The following POLK variants were observed in gnomAD, a reference collection of about 807,000 sequenced individuals.
POLK encodes the protein DNA polymerase kappa.
POLK carries 76 observed loss-of-function variants against 94.0 expected under a neutral mutation model. The ratio of observed to expected loss-of-function variants is 0.81; its 90% CI spans 0.67 to 0.98. POLK has a LOEUF of 0.98. POLK is among the 50% of genes least tolerant of loss of function. The probability of loss-of-function intolerance (pLI) is 0.00; values close to 1 mark genes in which losing one functional copy is unlikely to be tolerated. For missense variants in POLK, 954 were observed against 1,010.1 expected (o/e 0.94, Z 0.75); for synonymous variants, 349 against 325.4 (o/e 1.07, Z -0.78).
chr5:75,566,016 A>G (rs1771246179), intron 3 of POLK, among the ~76,000 whole-genome samples: 1 of 152,234 alleles, frequency 6.6e-6, no homozygotes, highest in Non-Finnish European at 1.5e-5. Flanking sequence ...AGTTTTATCA[A>G]TAAGCCCCTG....
chr5:75,528,393 C>A (rs531099706), intron 1 of POLK, among the ~76,000 whole-genome samples: 8 of 151,922 alleles, frequency 5.3e-5, no homozygotes, highest in Non-Finnish European at 1.0e-4. Context: ...TATTAATGAT[C>A]ATTCTCTCTG....
chr5:75,581,693 TG>T, intron 7 of POLK: 1 of 372,818 alleles, frequency 2.7e-6, no homozygotes, highest in Non-Finnish European at 4.9e-6. Context: ...TTTTTTTTTT[TG>T]AGATGGAGTC....
rs186480603 is a variant in POLK, at chr5:75,542,867, C to A, written c.-13-4143C>A. 1.0e-4 allele frequency among the ~76,000 whole-genome samples: 15 copies of A among 150,506 alleles called. No individual in the cohort carries two copies. In the South Asian group the frequency reaches 3.1e-3, roughly 31 times the overall value. ...AGCTGGGATTACAGGCATCTGCCAC[C>A]GCGCCCAGCTAATTTTTATATTTTT... On this transcript the variant is annotated intron_variant, in intron 1 of 14. Coordinates refer to ENST00000241436, the Ensembl canonical transcript of POLK.
intron 1 of POLK, among the ~76,000 whole-genome samples, chr5:75,523,884 C>T (rs1280650975): frequency 6.6e-6 from 1 of 152,092 alleles, no homozygotes; most frequent in Non-Finnish European, 1.5e-5. Flanking sequence ...AATCCCAGCA[C>T]TTTGCGGGGC....
At chr5:75,592,452 T>C (rs977757197) in intron 11 of POLK, among the ~76,000 whole-genome samples, 1 of 152,110 alleles carries the variant, frequency 6.6e-6, no homozygotes, top group Non-Finnish European at 1.5e-5. Context: ...GGTGGCTCAT[T>C]CCTGTAATCC....
intron 1 of POLK, among the ~76,000 whole-genome samples, chr5:75,544,271 C>T (rs1318168235): frequency 2.6e-5 from 4 of 152,152 alleles, no homozygotes; most frequent in Admixed American, 2.0e-4. Flanking sequence ...CCTTCAGTCT[C>T]AGCTATTTCG....
chr5:75,542,668 CATATATACAT>C (rs1032191586), intron 1 of POLK, among the ~76,000 whole-genome samples: 54 of 142,446 alleles, frequency 3.8e-4, no homozygotes, highest in Non-Finnish European at 6.7e-4. Flanking sequence ...TATATATACA[CATATATACAT>C]ATATATACAT....
At chr5:75,607,428 A>G in the POLK span, among the ~76,000 whole-genome samples, 1 of 150,174 alleles carries the variant, frequency 6.7e-6, no homozygotes, top group East Asian at 2.0e-4. Context: ...AGATTGCACC[A>G]CTGCACTCCA....
At chr5:75,552,699 T>C in intron 3 of POLK, 108 bp downstream of exon 3, 1 of 1,124,856 alleles carries the variant, frequency 8.9e-7, no homozygotes, top group South Asian at 1.6e-5. Context: ...AAATGTTCAT[T>C]ATATTGTAAA....
intron 2 of POLK, among the ~76,000 whole-genome samples, chr5:75,550,199 A>G (rs1261748588): frequency 6.6e-6 from 1 of 152,232 alleles, no homozygotes. Context: ...AAAGTCCTCA[A>G]CAAAATATTA....
At chr5:75,550,217 G>A (rs1770264881) in intron 2 of POLK, among the ~76,000 whole-genome samples, 1 of 152,160 alleles carries the variant, frequency 6.6e-6, no homozygotes, top group South Asian at 2.1e-4. Flanking sequence ...TTAGAGGACT[G>A]ATTTAAACAA....
At chr5:75,545,567 G>A (rs923145057) in intron 1 of POLK, among the ~76,000 whole-genome samples, 1 of 152,056 alleles carries the variant, frequency 6.6e-6, no homozygotes, top group African/African-American at 2.4e-5. Context: ...AAAAGCTAAT[G>A]TATGTGAAGA....
chr5:75,605,118 TAC>T (rs3842052), downstream of POLK, among the ~76,000 whole-genome samples: 15,740 of 146,642 alleles, frequency 0.11, 912 homozygotes, highest in Middle Eastern at 0.2. Flanking sequence ...TGTATACACA[TAC>T]ACACACACAC....
chr5:75,546,222 A>G (rs137906736), intron 1 of POLK, among the ~76,000 whole-genome samples: 2 of 152,308 alleles, frequency 1.3e-5, no homozygotes, highest in East Asian at 3.9e-4. Context: ...TCTGTACTGT[A>G]TTTTTACAAT....
intron 10 of POLK, among the ~76,000 whole-genome samples, chr5:75,589,644 G>C (rs753416135): frequency 2.6e-5 from 4 of 152,046 alleles, no homozygotes; most frequent in Non-Finnish European, 5.9e-5. Context: ...ATAAGAAGCT[G>C]ACACATTGGT....
chr5:75,588,444 C>T (rs1459047657), intron 10 of POLK, among the ~76,000 whole-genome samples: 1 of 152,128 alleles, frequency 6.6e-6, no homozygotes, highest in Non-Finnish European at 1.5e-5. Context: ...AGTGAAATTA[C>T]TACCATTTTC....
intron 1 of POLK, among the ~76,000 whole-genome samples, chr5:75,535,300 A>G (rs1321095336): frequency 6.6e-6 from 1 of 152,158 alleles, no homozygotes; most frequent in Non-Finnish European, 1.5e-5. Context: ...CTTCTGGCTA[A>G]TAAGGTTTCT....
At chr5:75,580,031 A>T (rs1772118128) in intron 6 of POLK, among the ~76,000 whole-genome samples, 1 of 151,620 alleles carries the variant, frequency 6.6e-6, no homozygotes, top group Admixed American at 6.6e-5. Context: ...TGCCCTGGGA[A>T]TTCAGATTTG....
intron 1 of POLK, among the ~76,000 whole-genome samples, chr5:75,513,104 T>A (rs1207730857): frequency 6.6e-6 from 1 of 152,226 alleles, no homozygotes; most frequent in Non-Finnish European, 1.5e-5. Flanking sequence ...GGGGATTAAT[T>A]ACGATTCTGA....
Sources: gnomAD v4.1 joint callset for allele counts (sites outside exome capture counted in the v4.1 genomes callset) on GRCh38, gnomAD v4.1.1 for gene constraint, MANE v1.5 for transcripts, NCBI Gene and HGNC (gene_info 2026-07-23, HGNC 2026-07-21) for gene names.